CSMD1: variants seen among roughly 807,000 people sequenced by gnomAD.
CSMD1 encodes the protein CUB and sushi domain-containing protein 1.
In CSMD1, 213 loss-of-function variants were observed where a neutral mutation model predicts 417.5. That is an observed-to-expected ratio of 0.51 (90% CI 0.46 to 0.57). The LOEUF is 0.57. CSMD1 is among the 20% of genes least tolerant of loss of function. The pLI, the probability that CSMD1 is intolerant of heterozygous loss-of-function variation, is 0.00. For synonymous variants in CSMD1, 2,862 were observed against 1,736.8 expected, an observed-to-expected ratio of 1.65 and a Z score of -16.11; for missense variants, 6,923 against 4,529.7, an observed-to-expected ratio of 1.53 and a Z score of -15.17.
intron 3 of CSMD1, among the ~76,000 whole-genome samples, chr8:4,138,566 T>A (rs186054283): frequency 1.3e-5 from 2 of 152,210 alleles, no homozygotes; most frequent in East Asian, 3.9e-4. Flanking sequence ...AAGAATCCCC[T>A]GGATCAGATC....
chr8:4,683,543 G>A (rs1806175922), intron 1 of CSMD1, among the ~76,000 whole-genome samples: 1 of 152,140 alleles, frequency 6.6e-6, no homozygotes, highest in South Asian at 2.1e-4. Context: ...CAGTAAATTA[G>A]CACCTAGAGG....
intron 3 of CSMD1, among the ~76,000 whole-genome samples, chr8:4,209,092 T>G (rs565061051): frequency 6.6e-6 from 1 of 152,332 alleles, no homozygotes; most frequent in African/African-American, 2.4e-5. Flanking sequence ...CTCTTCACCC[T>G]TGCTCGCTGA....
At chr8:3,672,985 T>G (rs1358193749) in intron 7 of CSMD1, among the ~76,000 whole-genome samples, 1 of 152,230 alleles carries the variant, frequency 6.6e-6, no homozygotes, top group African/African-American at 2.4e-5. Flanking sequence ...TTGTAAGTAC[T>G]TGTGTTGTAA....
rs553388042 is a variant in CSMD1 at position 3,264,446 on chromosome 8, T to C, written c.4153+19698A>G. ...CCACACAAGTGTCAGGAGAATCTTATTTCTGTCAGTTTGAATCGAGTGAGG... is the reference window on the plus strand; with the variant it reads ...CCACACAAGTGTCAGGAGAATCTTACTTCTGTCAGTTTGAATCGAGTGAGG... On this transcript the variant is annotated intron_variant, in intron 26 of 69. Transcript: ENST00000635120. 4.6e-5 allele frequency among the ~76,000 whole-genome samples: 7 copies of C among 152,272 alleles called. No individual in the cohort carries two copies. In the East Asian group the frequency reaches 9.7e-4, roughly 21 times the overall value.
At chr8:3,458,164 C>G (rs1407550900) in intron 12 of CSMD1, among the ~76,000 whole-genome samples, 4 of 152,124 alleles carry the variant, frequency 2.6e-5, no homozygotes, top group African/African-American at 9.7e-5. Flanking sequence ...GACATGTAAT[C>G]TGTGAGGATA....
At chr8:3,682,710 A>C (rs1160416460) in intron 7 of CSMD1, among the ~76,000 whole-genome samples, 1 of 152,234 alleles carries the variant, frequency 6.6e-6, no homozygotes, top group Non-Finnish European at 1.5e-5. Flanking sequence ...CCAAAAGATT[A>C]AAAATCATGC....
At position 3,334,073 on chromosome 8, in the gene CSMD1, T is replaced by C. The variant is rs117845306; in HGVS notation, c.3631+9221A>G. 4.1e-4 allele frequency among the ~76,000 whole-genome samples: 63 copies of C among 152,282 alleles called. 1 individual carries two copies. The highest frequency in any genetic ancestry group is 7.5e-4 in the Non-Finnish European group (51 of 68,024). ...ACTCATAGCCAGGGAGGTGAAGGCA[T>C]TGAAAGAATCTATATGAGACGCACA... is the stretch of plus-strand genomic sequence containing the variant. On this transcript the variant is annotated intron_variant, in intron 23 of 69. Coordinates refer to ENST00000635120, the MANE Select transcript of CSMD1 (RefSeq NM_033225.6).
At chr8:3,772,604 CATAT>C (rs1051782314) in intron 5 of CSMD1, among the ~76,000 whole-genome samples, 2 of 137,720 alleles carry the variant, frequency 1.5e-5, no homozygotes, top group Non-Finnish European at 3.0e-5. Context: ...CATATATACA[CATAT>C]ATTTATATAC....
At chr8:4,550,329 G>GCACACACGCGCACA (rs1797815106) in intron 2 of CSMD1, among the ~76,000 whole-genome samples, 2 of 139,622 alleles carry the variant, frequency 1.4e-5, no homozygotes, top group South Asian at 4.7e-4. Flanking sequence ...ATACACACAC[G>GCACACACGCGCACA]CACACACACA....
intron 3 of CSMD1, among the ~76,000 whole-genome samples, chr8:4,257,731 G>C (rs1049580678): frequency 6.6e-6 from 1 of 152,156 alleles, no homozygotes; most frequent in African/African-American, 2.4e-5. Flanking sequence ...ATACCTCTCT[G>C]CTTCCGCTTT....
intron 1 of CSMD1, among the ~76,000 whole-genome samples, chr8:4,756,021 A>G (rs1299809323): frequency 6.6e-6 from 1 of 152,228 alleles, no homozygotes; most frequent in Non-Finnish European, 1.5e-5. Context: ...TCATTTGCTA[A>G]TTGTTTAGTT....
chr8:4,200,391 A>G (rs1799577090), intron 3 of CSMD1, among the ~76,000 whole-genome samples: 1 of 152,234 alleles, frequency 6.6e-6, no homozygotes, highest in Non-Finnish European at 1.5e-5. Flanking sequence ...TTTAAAAAGC[A>G]GAAAAAAATT....
At position 3,526,215 on chromosome 8, in the gene CSMD1, C is replaced by T. The variant is rs192842917; in HGVS notation, c.1345-32489G>A. ...TTTCTCATCAATCATAAGACTACAT[C>T]GTTTTTCCTTCCTGAACCTTCTATA... On this transcript the variant is annotated intron_variant, in intron 10 of 69. Transcript: ENST00000635120. Among the ~76,000 whole-genome samples the T allele has an allele frequency of 1.3e-3, 202 of 152,152 alleles. 1 individual carries two copies. Among genetic ancestry groups the T allele is most frequent in the Non-Finnish European group, 2.2e-3 (152 of 68,002 alleles).
chr8:3,241,393 G>A (rs1295275645), intron 26 of CSMD1, among the ~76,000 whole-genome samples: 1 of 152,084 alleles, frequency 6.6e-6, no homozygotes, highest in South Asian at 2.1e-4. Context: ...GAAGGGGACG[G>A]TCTTACCCTC....
chr8:3,842,492 GC>G (rs1304325663), intron 5 of CSMD1, among the ~76,000 whole-genome samples: 1 of 151,946 alleles, frequency 6.6e-6, no homozygotes, highest in Non-Finnish European at 1.5e-5. Context: ...ATATTTTTTG[GC>G]TAAATTTCTA....
At chr8:4,130,924 C>A (rs1467745660) in intron 3 of CSMD1, among the ~76,000 whole-genome samples, 1 of 151,934 alleles carries the variant, frequency 6.6e-6, no homozygotes, top group Admixed American at 6.6e-5. Flanking sequence ...ATTAATTATT[C>A]AGGCTTTCTG....
intron 11 of CSMD1, among the ~76,000 whole-genome samples, chr8:3,474,400 C>A (rs775311790): frequency 6.6e-6 from 1 of 152,034 alleles, no homozygotes; most frequent in Non-Finnish European, 1.5e-5. Context: ...ACAATGTTTT[C>A]TTGGCAAACA....
At chr8:4,339,826 T>C (rs1431684795) in intron 3 of CSMD1, among the ~76,000 whole-genome samples, 2 of 151,954 alleles carry the variant, frequency 1.3e-5, no homozygotes, top group East Asian at 3.9e-4. Context: ...GAGTTTAAGA[T>C]CAGCCTGGGC....
intron 1 of CSMD1, among the ~76,000 whole-genome samples, chr8:4,736,347 G>A (rs975701903): frequency 9.9e-5 from 15 of 152,170 alleles, no homozygotes; most frequent in Non-Finnish European, 1.0e-4. Context: ...CAGATAATAA[G>A]GAGATCACAA....
Sources: allele counts gnomAD v4.1 joint callset (sites outside exome capture counted in the v4.1 genomes callset), GRCh38; gene constraint gnomAD v4.1.1; transcripts MANE v1.5; gene names NCBI Gene and HGNC (gene_info 2026-07-23, HGNC 2026-07-21).